The following SCOC variants were observed in gnomAD, a reference collection of about 807,000 sequenced individuals.
The protein encoded by SCOC is short coiled-coil protein, also known as short coiled coil protein.
Under a neutral mutation model 9.9 loss-of-function variants are expected in SCOC, and 7 were observed. That is an observed-to-expected ratio of 0.71 (90% CI 0.40 to 1.33). The LOEUF is 1.33. Ranked by LOEUF, SCOC falls within the 40% of genes most tolerant of loss-of-function variation. SCOC has a pLI of 0.01. For synonymous variants in SCOC, 19 were observed against 28.2 expected (o/e 0.67, Z 1.03); for missense variants, 66 against 89.7 (o/e 0.74, Z 1.07).
chr4:140,301,975 A>C (rs571413262), intron 1 of SCOC, among the ~76,000 whole-genome samples: 2 of 152,230 alleles, frequency 1.3e-5, no homozygotes, highest in Admixed American at 6.5e-5. Flanking sequence ...CTGGGACCAC[A>C]GGCGCATGCC....
At chr4:140,298,415 A>C (rs1318403054) in intron 1 of SCOC, among the ~76,000 whole-genome samples, 1 of 152,182 alleles carries the variant, frequency 6.6e-6, no homozygotes. Flanking sequence ...CAAGCATACC[A>C]TTATTCTGTG....
chr4:140,262,089 AG>A (rs1730644564), intron 1 of SCOC, among the ~76,000 whole-genome samples: 1 of 152,260 alleles, frequency 6.6e-6, no homozygotes, highest in Admixed American at 6.5e-5. Flanking sequence ...GATGTAACTC[AG>A]AAAATACATT....
upstream of SCOC, chr4:140,373,527 C>A: frequency 1.9e-6 from 3 of 1,551,662 alleles, no homozygotes; most frequent in Non-Finnish European, 2.6e-6. Flanking sequence ...TGGGGTGAGG[C>A]GGGCAGCTAA....
At chr4:140,281,174 A>C (rs1731087433) in intron 1 of SCOC, among the ~76,000 whole-genome samples, 1 of 152,026 alleles carries the variant, frequency 6.6e-6, no homozygotes, top group Non-Finnish European at 1.5e-5. Flanking sequence ...ACAGAAGAAA[A>C]AGAGAGGAGG....
chr4:140,299,386 C>A (rs997072196), intron 1 of SCOC, among the ~76,000 whole-genome samples: 1 of 152,176 alleles, frequency 6.6e-6, no homozygotes, highest in African/African-American at 2.4e-5. Flanking sequence ...AAAGAAAAAT[C>A]AGTTCAGAAT....
intron 1 of SCOC, among the ~76,000 whole-genome samples, chr4:140,272,265 G>T (rs1032700367): frequency 8.5e-4 from 128 of 151,208 alleles, no homozygotes; most frequent in African/African-American, 2.7e-3. Context: ...ATGTTGCCTA[G>T]GGTGGTCCCA....
intron 1 of SCOC, among the ~76,000 whole-genome samples, chr4:140,335,582 A>C (rs562927605): frequency 6.6e-6 from 1 of 152,334 alleles, no homozygotes; most frequent in South Asian, 2.1e-4. Flanking sequence ...CCAAAGAGGA[A>C]CGCTTGCACC....
At chr4:140,347,407 A>G (rs145235921) in intron 2 of SCOC, among the ~76,000 whole-genome samples, 373 of 152,296 alleles carry the variant, frequency 2.4e-3, no homozygotes, top group African/African-American at 7.9e-3. Flanking sequence ...GTGCAGGACA[A>G]AAGACATTAG....
At chr4:140,343,850 T>C (rs1297687364) in intron 2 of SCOC, 2 of 519,182 alleles carry the variant, frequency 3.9e-6, no homozygotes, top group Non-Finnish European at 6.6e-6. Flanking sequence ...CAAAAACAGG[T>C]TTTAATTAAG....
intron 1 of SCOC, among the ~76,000 whole-genome samples, chr4:140,292,734 G>C (rs953101455): frequency 3.9e-5 from 6 of 152,112 alleles, no homozygotes; most frequent in Non-Finnish European, 5.9e-5. Flanking sequence ...TTCTTATTCT[G>C]GGGGAGCCAC....
intron 1 of SCOC, among the ~76,000 whole-genome samples, chr4:140,294,457 T>C (rs1731563892): frequency 6.6e-6 from 1 of 152,172 alleles, no homozygotes; most frequent in African/African-American, 2.4e-5. Flanking sequence ...TCTATCTAAA[T>C]ACCCAATTCA....
upstream of SCOC, chr4:140,373,288 G>C: frequency 7.4e-7 from 1 of 1,350,836 alleles, no homozygotes; most frequent in African/African-American, 1.5e-5. Flanking sequence ...CTTCTCTGTC[G>C]CTCATACCAG....
At chr4:140,312,050 A>G (rs763196049) in intron 1 of SCOC, among the ~76,000 whole-genome samples, 6 of 152,208 alleles carry the variant, frequency 3.9e-5, no homozygotes, top group Non-Finnish European at 7.3e-5. Flanking sequence ...GCAAATATGA[A>G]TTGGGATTTA....
intron 1 of SCOC, among the ~76,000 whole-genome samples, chr4:140,259,273 T>G (rs1730577352): frequency 6.6e-6 from 1 of 152,228 alleles, no homozygotes; most frequent in African/African-American, 2.4e-5. Flanking sequence ...TGAGTTTTGT[T>G]GTCCTTTCTT....
At chr4:140,270,191 C>T (rs1183474833) in intron 1 of SCOC, among the ~76,000 whole-genome samples, 2 of 152,086 alleles carry the variant, frequency 1.3e-5, no homozygotes, top group African/African-American at 4.8e-5. Context: ...AGTTTCTGAC[C>T]TAAAGGAACT....
intron 2 of SCOC, among the ~76,000 whole-genome samples, chr4:140,350,704 A>C (rs970412656): frequency 4.6e-5 from 7 of 152,218 alleles, no homozygotes; most frequent in African/African-American, 1.4e-4. Flanking sequence ...TGTGCAAGCT[A>C]TCTGCCATCC....
intron 1 of SCOC, chr4:140,283,584 C>A (rs1731148274): frequency 6.6e-6 from 1 of 152,116 alleles, no homozygotes; most frequent in Non-Finnish European, 1.5e-5. Context: ...ACAGGTTGGG[C>A]TCCCTGTGAT....
At chr4:140,319,530 C>T (rs1264955903) in intron 1 of SCOC, among the ~76,000 whole-genome samples, 1 of 152,052 alleles carries the variant, frequency 6.6e-6, no homozygotes, top group East Asian at 1.9e-4. Flanking sequence ...TTTAGTGACC[C>T]CAAATTTCAT....
intron 1 of SCOC, among the ~76,000 whole-genome samples, chr4:140,272,551 C>A (rs187167696): frequency 1.2e-4 from 18 of 152,290 alleles, no homozygotes; most frequent in Admixed American, 1.0e-3. Flanking sequence ...AAGAATCTAA[C>A]TAGAATGTAA....
Sources: gnomAD v4.1 joint callset for allele counts (sites outside exome capture counted in the v4.1 genomes callset) on GRCh38, gnomAD v4.1.1 for gene constraint, MANE v1.5 for transcripts, NCBI Gene and HGNC (gene_info 2026-07-23, HGNC 2026-07-21) for gene names.